GPR161: variants seen among roughly 807,000 people sequenced by gnomAD.
GPR161 encodes the protein G protein-coupled receptor 161.
In GPR161, 25 loss-of-function variants were observed where a neutral mutation model predicts 39.2. The observed-to-expected ratio is 0.64, with a 90% CI of 0.47 to 0.89. GPR161 has a LOEUF of 0.89. Ranked by LOEUF, GPR161 falls within the 40% of genes least tolerant of loss-of-function variation. The pLI is 0.00. For synonymous variants in GPR161, 286 were observed against 276.6 expected (o/e 1.03, Z -0.34); for missense variants, 547 against 677.8 (o/e 0.81, Z 2.14).
At chr1:168,119,228 GTA>G (rs1200312153) in intron 1 of GPR161, among the ~76,000 whole-genome samples, 1,031 of 96,374 alleles carry the variant, frequency 0.011, 93 homozygotes, top group African/African-American at 0.038. Flanking sequence ...ATATATATAC[GTA>G]TATATATATA....
chr1:168,134,619 C>A (rs753950835), intron 1 of GPR161, among the ~76,000 whole-genome samples: 12 of 152,170 alleles, frequency 7.9e-5, no homozygotes, highest in Non-Finnish European at 1.2e-4. Flanking sequence ...AAGCAGCCTG[C>A]ACACATAATT....
chr1:168,123,537 T>TACACACACACACACACACACACACACAC (rs10534836), intron 1 of GPR161, among the ~76,000 whole-genome samples: 1 of 138,120 alleles, frequency 7.2e-6, no homozygotes, highest in African/African-American at 2.7e-5. Context: ...TGCACATACA[T>TACACACACACACACACACACACACACAC]ACACACACAC....
At position 168,086,946 on chromosome 1, in the gene GPR161, C is replaced by T. The variant is rs1035758459; in HGVS notation, c.1324+639G>A. ...TTCTGAAGAGCCTCCTTACATCGGA[C>T]AGCCCCTGGACTCCACCAAATCCAC... is the stretch of plus-strand genomic sequence containing the variant. On this transcript the variant is annotated intron_variant, in intron 5 of 5. Coordinates refer to ENST00000682931, the MANE Select transcript of GPR161 (RefSeq NM_001375883.1). Among the ~76,000 whole-genome samples, 7 of 152,290 alleles carry T rather than the reference C, an allele frequency of 4.6e-5. No homozygotes were observed. The Middle Eastern group carries it at 0.014, about 296-fold the overall frequency.
Position 168,085,217 on chromosome 1 carries a change from C to T in GPR161, c.*314G>A. The T allele has an allele frequency of 2.2e-6, 1 of 455,660 alleles. No homozygotes were observed. The highest frequency in any genetic ancestry group is 2.0e-5 in the South Asian group (1 of 49,456). The allele number at this position is 455,660 out of a possible 1,614,324, so 28.2% of individuals were successfully genotyped here. A position where few individuals can be genotyped will look rare whatever the true frequency, so the allele number is the denominator to read the frequency against. ...CCAAGCCCTTCGTCTCTGGTCCTCC[C>T]ATGCCCCACCTCCCAAAAAGCCACA... On this transcript the variant is annotated 3_prime_UTR_variant, in exon 6 of 6. Transcript: ENST00000682931.
At chr1:168,134,810 A>G in intron 1 of GPR161, 6 of 1,102,062 alleles carry the variant, frequency 5.4e-6, no homozygotes, top group Non-Finnish European at 8.0e-6. Context: ...TTAGCAGCAC[A>G]CAGCTCCCAC....
rs367721550 is a variant in GPR161, at chr1:168,093,840, CT to C, written c.1099+2667del. Among the ~76,000 whole-genome samples, 72 of 152,336 alleles carry C rather than the reference CT, an allele frequency of 4.7e-4. 1 individual carries two copies. The South Asian group carries it at 0.014, about 30-fold the overall frequency. On this transcript the variant is annotated intron_variant, in intron 3 of 5. Transcript: ENST00000682931. ...GGACAGCGCAGGGTGAGCGGCTGGG[CT>C]GGGGCGCCACATTCTGCTTTGGTTC... is the stretch of plus-strand genomic sequence containing the variant.
chr1:168,102,469 C>T (rs1417620584), intron 2 of GPR161, among the ~76,000 whole-genome samples: 1 of 152,194 alleles, frequency 6.6e-6, no homozygotes, highest in Non-Finnish European at 1.5e-5. Context: ...GCCCACCACT[C>T]CAAGGATTGG....
intron 1 of GPR161, among the ~76,000 whole-genome samples, chr1:168,122,368 T>C (rs1197521007): frequency 1.3e-5 from 2 of 152,222 alleles, no homozygotes. Context: ...GGCTACATTA[T>C]ATCTTCTCTG....
At chr1:168,131,958 A>G (rs1044125469) in intron 1 of GPR161, among the ~76,000 whole-genome samples, 6 of 152,222 alleles carry the variant, frequency 3.9e-5, no homozygotes, top group African/African-American at 1.4e-4. Context: ...GGAAGAATAC[A>G]TCAGCATTTA....
chr1:168,115,651 T>A (rs1296410229), intron 1 of GPR161, among the ~76,000 whole-genome samples: 3 of 152,056 alleles, frequency 2.0e-5, no homozygotes, highest in Non-Finnish European at 4.4e-5. Flanking sequence ...AGCCTGCAAA[T>A]CACAGGCCCG....
chr1:168,104,499 G>C lies in GPR161; in HGVS notation c.352C>G (p.Leu118Val). Residue 118 changes from leucine (L) to valine (V), a missense_variant, in exon 2 of 6, where the codon CTC becomes GTC. Leu to Val is a conservative substitution (Grantham distance 32). Coordinates refer to ENST00000682931, the MANE Select transcript of GPR161 (RefSeq NM_001375883.1). Reference sequence around the variant, plus strand: ...TACCGGTCGATGGCAATGACCCCGAGGGTTAGCATGCTGGCAGAGCTGATC... The same window carrying C: ...TACCGGTCGATGGCAATGACCCCGACGGTTAGCATGCTGGCAGAGCTGATC... ...LLISSASMLT[L>V]GVIAIDRYYA... 1 of 1,613,812 alleles carries C rather than the reference G, an allele frequency of 6.2e-7. No homozygotes were observed.
At chr1:168,109,566 A>C (rs1360327008) in intron 1 of GPR161, among the ~76,000 whole-genome samples, 1 of 152,244 alleles carries the variant, frequency 6.6e-6, no homozygotes, top group African/African-American at 2.4e-5. Context: ...CCACTGGCAT[A>C]GGAAAGTGGC....
chr1:168,097,352 C>A, intron 2 of GPR161, 120 bp from the exon 3 acceptor site: 1 of 965,796 alleles, frequency 1.0e-6, no homozygotes, highest in East Asian at 2.5e-5. Flanking sequence ...CACCTTCTCC[C>A]AAGTCTCCCC....
intron 2 of GPR161, among the ~76,000 whole-genome samples, chr1:168,103,441 A>AAAAAAAG (rs1553264467): frequency 6.7e-6 from 1 of 150,282 alleles, no homozygotes. Context: ...AAAAAAAAAA[A>AAAAAAAG]AGAGAAGCTA....
chr1:168,121,838 T>C (rs1698197851), intron 1 of GPR161, among the ~76,000 whole-genome samples: 1 of 152,218 alleles, frequency 6.6e-6, no homozygotes, highest in African/African-American at 2.4e-5. Context: ...CAGAGCAGGC[T>C]TGAGGAAGCC....
Position 168,096,351 on chromosome 1 carries a change from A to T in GPR161, c.1099+157T>A, listed in dbSNP as rs1281235160. Among the ~76,000 whole-genome samples the T allele has an allele frequency of 2.0e-5, 3 of 152,132 alleles. No individual in the cohort carries two copies. In the East Asian group the frequency reaches 5.8e-4, roughly 29 times the overall value. ...TGACAGGAAGCTCCCTGGCAATCAC[A>T]GCGGAGCCTCTGGAATGTTTCTTCC... is the stretch of plus-strand genomic sequence containing the variant. On this transcript the variant is annotated intron_variant, in intron 3 of 5. Coordinates refer to ENST00000682931, the MANE Select transcript of GPR161 (RefSeq NM_001375883.1).
intron 1 of GPR161, among the ~76,000 whole-genome samples, chr1:168,128,867 T>C (rs1007204087): frequency 1.3e-5 from 2 of 152,200 alleles, no homozygotes; most frequent in Non-Finnish European, 2.9e-5. Flanking sequence ...TCCCTCACCA[T>C]GATAGCCATA....
Position 168,097,386 on chromosome 1 carries a change from G to A in GPR161, c.375-154C>T, listed in dbSNP as rs576382784. On this transcript the variant is annotated intron_variant, in intron 2 of 5. Transcript: ENST00000682931. ...CCAGACAAGTTATATAGACTGCATC[G>A]TGTTCCACAGCTCTGCAGAGCTCTT... Among the ~76,000 whole-genome samples, 57 of 152,254 alleles carry A rather than the reference G, an allele frequency of 3.7e-4. No homozygotes were observed. In the Middle Eastern group the frequency reaches 0.01, roughly 27 times the overall value.
At chr1:168,101,108 CT>C (rs35663930) in intron 2 of GPR161, among the ~76,000 whole-genome samples, 61,166 of 143,150 alleles carry the variant, frequency 0.43, 13,521 homozygotes, top group African/African-American at 0.59. Flanking sequence ...CAGCCAGTTT[CT>C]TTTTTTTTTT....
Sources: allele counts gnomAD v4.1 joint callset (sites outside exome capture counted in the v4.1 genomes callset), GRCh38; gene constraint gnomAD v4.1.1; transcripts MANE v1.5; gene names NCBI Gene and HGNC (gene_info 2026-07-23, HGNC 2026-07-21).